The following TRIQK variants were observed in gnomAD, a reference collection of about 807,000 sequenced individuals.
TRIQK encodes triple QxxK/R motif-containing protein.
In TRIQK, 10 loss-of-function variants were observed where a neutral mutation model predicts 10.8. That is an observed-to-expected ratio of 0.92 (90% CI 0.57 to 1.57). The LOEUF is 1.57. Ranked by LOEUF, TRIQK falls within the 40% of genes most tolerant of loss-of-function variation. The pLI is 0.00. For missense variants in TRIQK, 107 were observed against 97.7 expected (o/e 1.09, Z -0.40); for synonymous variants, 33 against 33.7 (o/e 0.98, Z 0.07).
intron 2 of TRIQK, among the ~76,000 whole-genome samples, chr8:92,928,524 A>C (rs1810558303): frequency 6.6e-6 from 1 of 152,236 alleles, no homozygotes; most frequent in African/African-American, 2.4e-5. Flanking sequence ...AGTCCTACTC[A>C]ATCAGAATCT....
At chr8:93,004,464 A>G (rs1230035836) in intron 1 of TRIQK, among the ~76,000 whole-genome samples, 1 of 152,220 alleles carries the variant, frequency 6.6e-6, no homozygotes, top group Non-Finnish European at 1.5e-5. Context: ...GGGCTGATGC[A>G]AAGGTCTGTG....
At chr8:92,978,399 G>C (rs1029101261) in intron 1 of TRIQK, among the ~76,000 whole-genome samples, 1 of 152,162 alleles carries the variant, frequency 6.6e-6, no homozygotes, top group Non-Finnish European at 1.5e-5. Context: ...AATTTTCAGT[G>C]ATTTCAGCTG....
At chr8:92,999,421 A>G (rs1376263944) in intron 1 of TRIQK, among the ~76,000 whole-genome samples, 2 of 152,120 alleles carry the variant, frequency 1.3e-5, no homozygotes, top group Non-Finnish European at 1.5e-5. Context: ...TATACTAATT[A>G]CTCTAAGTTT....
chr8:92,932,808 T>C (rs1461846500), intron 2 of TRIQK, among the ~76,000 whole-genome samples: 1 of 152,186 alleles, frequency 6.6e-6, no homozygotes, highest in African/African-American at 2.4e-5. Context: ...TTAGAATTAA[T>C]GTATATCATT....
At chr8:93,012,969 TA>T in intron 1 of TRIQK, among the ~76,000 whole-genome samples, 2 of 152,278 alleles carry the variant, frequency 1.3e-5, no homozygotes, top group African/African-American at 4.8e-5. Flanking sequence ...TGCTGCATGC[TA>T]AAGCTGAAAA....
At chr8:92,950,601 T>C (rs1235587128) in intron 2 of TRIQK, among the ~76,000 whole-genome samples, 2 of 152,132 alleles carry the variant, frequency 1.3e-5, no homozygotes, top group East Asian at 1.9e-4. Flanking sequence ...ACATGCATTG[T>C]GCAGGTTAAT....
chr8:93,010,796 A>T (rs1474341845), intron 1 of TRIQK, among the ~76,000 whole-genome samples: 5 of 152,162 alleles, frequency 3.3e-5, no homozygotes, highest in Admixed American at 2.6e-4. Context: ...AGAAACACAA[A>T]TTGGAACATA....
chr8:92,914,731 A>C (rs2130443289), intron 3 of TRIQK, among the ~76,000 whole-genome samples: 1 of 152,342 alleles, frequency 6.6e-6, no homozygotes, highest in East Asian at 1.9e-4. Flanking sequence ...TGTTAAAAAA[A>C]CGTAATAAAT....
chr8:92,965,619 AC>A (rs1446152925), intron 1 of TRIQK: 2 of 152,278 alleles, frequency 1.3e-5, no homozygotes, highest in Non-Finnish European at 2.9e-5. Flanking sequence ...CGCGTGGAAG[AC>A]CTTGGGAGGT....
At chr8:92,948,547 G>GT (rs1811672314) in intron 2 of TRIQK, among the ~76,000 whole-genome samples, 1 of 152,124 alleles carries the variant, frequency 6.6e-6, no homozygotes, top group Non-Finnish European at 1.5e-5. Context: ...CAGGAAAGTT[G>GT]TTTTACCTTA....
intron 1 of TRIQK, among the ~76,000 whole-genome samples, chr8:92,955,130 T>C (rs763095056): frequency 3.3e-5 from 5 of 151,904 alleles, no homozygotes; most frequent in African/African-American, 1.2e-4. Flanking sequence ...AATGAACTTA[T>C]GTCAAGTTTT....
In TRIQK at chr8:92,886,238, G is replaced by T. The variant is rs1360070523; in HGVS notation, c.*384C>A. On this transcript the variant is annotated 3_prime_UTR_variant, in exon 5 of 5. Transcript: ENST00000521988. ...CTGAATGTGATTTGAGCATGTTTCT[G>T]TAAATAAGAATATATACTAACTTAT... 6.6e-6 allele frequency: 1 copy of T among 152,214 alleles called. No individual in the cohort carries two copies. Among genetic ancestry groups the T allele is most frequent in the African/African-American group, 2.4e-5 (1 of 41,400 alleles). The allele number at this position is 152,214 out of a possible 1,614,324, so 9.4% of individuals were successfully genotyped here.
At chr8:92,993,891 G>T (rs915176152) in intron 1 of TRIQK, among the ~76,000 whole-genome samples, 31 of 152,058 alleles carry the variant, frequency 2.0e-4, no homozygotes, top group African/African-American at 6.5e-4. Flanking sequence ...TTCCTTATTC[G>T]AGTAAGAGAT....
At chr8:92,987,928 T>C (rs1230311109) in intron 1 of TRIQK, among the ~76,000 whole-genome samples, 1 of 151,370 alleles carries the variant, frequency 6.6e-6, no homozygotes, top group African/African-American at 2.4e-5. Context: ...CAGATGCAGA[T>C]AGGGTACATG....
At chr8:92,993,287 C>T (rs1199683576) in intron 1 of TRIQK, among the ~76,000 whole-genome samples, 1 of 152,112 alleles carries the variant, frequency 6.6e-6, no homozygotes, top group African/African-American at 2.4e-5. Context: ...AGACTTATCC[C>T]CATCATTCTT....
intron 3 of TRIQK, among the ~76,000 whole-genome samples, chr8:92,898,822 G>GGT (rs1333719256): frequency 1.0e-3 from 74 of 74,038 alleles, no homozygotes; most frequent in South Asian, 1.4e-3. Context: ...GTACATAATA[G>GGT]GTGTGTGTGT....
At chr8:92,913,586 A>C (rs1809678728) in intron 3 of TRIQK, among the ~76,000 whole-genome samples, 1 of 152,196 alleles carries the variant, frequency 6.6e-6, no homozygotes, top group African/African-American at 2.4e-5. Context: ...CTAGAACCAA[A>C]AATACCATTT....
chr8:92,973,832 T>A (rs1310110755), intron 1 of TRIQK: 2 of 151,676 alleles, frequency 1.3e-5, no homozygotes, highest in African/African-American at 2.4e-5. Context: ...GAAGGAGGAG[T>A]TTAAATGATC....
chr8:92,907,564 T>G (rs1461648133), intron 3 of TRIQK, among the ~76,000 whole-genome samples: 2 of 152,178 alleles, frequency 1.3e-5, no homozygotes, highest in Non-Finnish European at 2.9e-5. Context: ...AACATTAATA[T>G]AAAAGAATTT....
Sources: allele counts gnomAD v4.1 joint callset (sites outside exome capture counted in the v4.1 genomes callset), GRCh38; gene constraint gnomAD v4.1.1; transcripts MANE v1.5; gene names NCBI Gene and HGNC (gene_info 2026-07-23, HGNC 2026-07-21).